OTUB2: variants seen among roughly 807,000 people sequenced by gnomAD.
OTUB2 encodes the protein OTU deubiquitinase, ubiquitin aldehyde binding 2.
A neutral mutation model predicts 25.1 loss-of-function variants in OTUB2; 21 were observed. The observed-to-expected ratio is 0.84, with a 90% CI of 0.59 to 1.21. The LOEUF is 1.21. OTUB2 is among the 50% of genes most tolerant of loss of function. The pLI, the probability that OTUB2 is intolerant of heterozygous loss-of-function variation, is 0.00. For missense variants in OTUB2, 283 were observed against 298.0 expected (o/e 0.95, Z 0.37); for synonymous variants, 122 against 122.8 (o/e 0.99, Z 0.04).
At chr14:94,040,350 T>C (rs1885137646) in intron 3 of OTUB2, among the ~76,000 whole-genome samples, 1 of 152,168 alleles carries the variant, frequency 6.6e-6, no homozygotes, top group African/African-American at 2.4e-5. Context: ...CACAGCACAG[T>C]GCAGGGATTA....
At chr14:94,033,651 A>G (rs1226494266) in intron 1 of OTUB2, among the ~76,000 whole-genome samples, 1 of 152,262 alleles carries the variant, frequency 6.6e-6, no homozygotes, top group Non-Finnish European at 1.5e-5. Flanking sequence ...GCTTTTATAC[A>G]GTATAAACAA....
chr14:94,027,867 GC>G (rs1884892711), intron 1 of OTUB2, among the ~76,000 whole-genome samples: 1 of 152,224 alleles, frequency 6.6e-6, no homozygotes, highest in African/African-American at 2.4e-5. Context: ...TCCACTTGGT[GC>G]CCAAGGGTTT....
Position 94,026,490 on chromosome 14 carries a change from G to A in OTUB2, c.-48G>A, listed in dbSNP as rs1398290505. 1.5e-6 allele frequency: 2 copies of A among 1,323,266 alleles called. No individual in the cohort carries two copies. The highest frequency in any genetic ancestry group is 1.5e-5 in the African/African-American group (1 of 65,288). The allele number at this position is 1,323,266 out of a possible 1,614,324, so 82.0% of individuals were successfully genotyped here. A position where few individuals can be genotyped will look rare whatever the true frequency, so the allele number is the denominator to read the frequency against. On this transcript the variant is annotated 5_prime_UTR_variant, in exon 1 of 6. Coordinates refer to ENST00000203664, the MANE Select transcript of OTUB2 (RefSeq NM_023112.4). ...GCGCCTCCCGCGGCATTCCCGCACC[G>A]GATCGCTCCTCGCTGGGGCGGGACC...
chr14:94,044,393 A>G (rs1885223436), intron 4 of OTUB2, among the ~76,000 whole-genome samples, 193 bp from the exon 5 acceptor site: 1 of 152,226 alleles, frequency 6.6e-6, no homozygotes, highest in South Asian at 2.1e-4. Flanking sequence ...ACTAGTGTAC[A>G]AACTGCAAAG....
At chr14:94,037,210 G>A (rs1193706330) in intron 1 of OTUB2, among the ~76,000 whole-genome samples, 170 bp from the exon 2 acceptor site, 1 of 152,132 alleles carries the variant, frequency 6.6e-6, no homozygotes, top group African/African-American at 2.4e-5. Context: ...CTGGAAATGC[G>A]GTGATCCCAA....
intron 1 of OTUB2, among the ~76,000 whole-genome samples, chr14:94,028,967 T>C (rs952810530): frequency 1.3e-5 from 2 of 152,164 alleles, no homozygotes; most frequent in Admixed American, 6.5e-5. Context: ...CCTTGAAGCA[T>C]GGTCAAGAAT....
intron 1 of OTUB2, among the ~76,000 whole-genome samples, chr14:94,036,197 G>A (rs1222908726): frequency 6.6e-6 from 1 of 152,154 alleles, no homozygotes; most frequent in Non-Finnish European, 1.5e-5. Context: ...TGATGAGGCT[G>A]AGAGGCTACC....
Position 94,046,265 on chromosome 14 carries a change from G to C in OTUB2, c.*343G>C. On this transcript the variant is annotated 3_prime_UTR_variant, in exon 6 of 6. Transcript: ENST00000203664. Reference sequence around the variant, plus strand: ...GCTGACATTCCATTGTAGAAAAATGGGGCCTCTGGTGTCTCTTTACCAGGG... The same window carrying C: ...GCTGACATTCCATTGTAGAAAAATGCGGCCTCTGGTGTCTCTTTACCAGGG... 2.6e-6 allele frequency: 1 copy of C among 382,640 alleles called. No homozygotes were observed. The highest frequency in any genetic ancestry group is 4.8e-6 in the Non-Finnish European group (1 of 206,616). 23.7% of individuals were successfully genotyped at this position (382,640 alleles called of 1,614,324 possible).
Position 94,035,527 on chromosome 14 carries a change from G to A in OTUB2, c.4-1853G>A, listed in dbSNP as rs909024313. On this transcript the variant is annotated intron_variant, in intron 1 of 5. Coordinates refer to ENST00000203664, the MANE Select transcript of OTUB2 (RefSeq NM_023112.4). ...GCTGGTCTTGAACTCCCAACCTCGT[G>A]ATCCACCTGCCTTGGCCTCCCAAAG... 1.4e-4 allele frequency among the ~76,000 whole-genome samples: 21 copies of A among 151,974 alleles called. 1 individual carries two copies. Among genetic ancestry groups the A allele is most frequent in the Admixed American group, 9.8e-4 (15 of 15,268 alleles).
rs184362372 is a variant in OTUB2, at chr14:94,041,882, G to A, written c.219-2089G>A. 2.1e-3 allele frequency among the ~76,000 whole-genome samples: 326 copies of A among 152,268 alleles called. 1 individual carries two copies. Among genetic ancestry groups the A allele is most frequent in the African/African-American group, 7.2e-3 (300 of 41,540 alleles). ...TTTCCCCAGTTGAACAGTGGCCATA[G>A]CCCTGTCACGGACATTAAGTGATTG... On this transcript the variant is annotated intron_variant, in intron 3 of 5. Transcript: ENST00000203664.
rs1363784509 is a variant in OTUB2, at chr14:94,048,695, C to G, written c.*2773C>G. 1 of 152,200 alleles carries G rather than the reference C, an allele frequency of 6.6e-6. No homozygotes were observed. Among genetic ancestry groups the G allele is most frequent in the East Asian group, 1.9e-4 (1 of 5,188 alleles). The allele number at this position is 152,200 out of a possible 1,614,324, so 9.4% of individuals were successfully genotyped here. A position where few individuals can be genotyped will look rare whatever the true frequency, so the allele number is the denominator to read the frequency against. ...GCATAGGGCACTGCAGATGGGGAAG[C>G]ATGTCACCTTGGCAGTGACTCGGTG... On this transcript the variant is annotated 3_prime_UTR_variant, in exon 6 of 6. Transcript: ENST00000203664.
chr14:94,031,966 G>A (rs1214023825), intron 1 of OTUB2, among the ~76,000 whole-genome samples: 1 of 152,224 alleles, frequency 6.6e-6, no homozygotes, highest in Non-Finnish European at 1.5e-5. Context: ...AATCACGAAT[G>A]AGAGTCAGCC....
chr14:94,037,593 G>T, intron 2 of OTUB2, 118 bp downstream of exon 2: 1 of 520,994 alleles, frequency 1.9e-6, no homozygotes, highest in Non-Finnish European at 3.4e-6. Context: ...CAAATGAAAG[G>T]ATTCCTAGGA....
chr14:94,044,326 CA>C (rs879256348), intron 4 of OTUB2, among the ~76,000 whole-genome samples: 8 of 152,188 alleles, frequency 5.3e-5, no homozygotes, highest in Non-Finnish European at 1.2e-4. Flanking sequence ...CGTGAGAATC[CA>C]AACCCAGGTA....
Position 94,046,245 on chromosome 14 carries a change from C to T in OTUB2, c.*323C>T. 2.3e-6 allele frequency: 1 copy of T among 431,572 alleles called. No individual in the cohort carries two copies. Among genetic ancestry groups the T allele is most frequent in the Non-Finnish European group, 4.2e-6 (1 of 236,466 alleles). The allele number at this position is 431,572 out of a possible 1,614,324, so 26.7% of individuals were successfully genotyped here. A position where few individuals can be genotyped will look rare whatever the true frequency, so the allele number is the denominator to read the frequency against. On this transcript the variant is annotated 3_prime_UTR_variant, in exon 6 of 6. Coordinates refer to ENST00000203664, the MANE Select transcript of OTUB2 (RefSeq NM_023112.4). ...TGGAGGAGGTCCCTGCCTATGCTGA[C>T]ATTCCATTGTAGAAAAATGGGGCCT...
intron 1 of OTUB2, among the ~76,000 whole-genome samples, chr14:94,027,760 C>G (rs1394814405): frequency 1.3e-5 from 2 of 152,234 alleles, no homozygotes; most frequent in Non-Finnish European, 2.9e-5. Context: ...CATAGGCAGC[C>G]AGGGCACTCG....
intron 3 of OTUB2, 71 bp downstream of exon 3, chr14:94,039,152 GGTT>G: frequency 1.6e-6 from 2 of 1,239,692 alleles, no homozygotes; most frequent in Admixed American, 2.0e-5. Flanking sequence ...GTCTCTCGGA[GGTT>G]TTCGTTACAC....
At chr14:94,033,531 C>T (rs753594762) in intron 1 of OTUB2, among the ~76,000 whole-genome samples, 6 of 152,184 alleles carry the variant, frequency 3.9e-5, no homozygotes, top group Non-Finnish European at 5.9e-5. Flanking sequence ...GTTTTGGTTT[C>T]GGGCAGTCCA....
In OTUB2 at chr14:94,040,783, T is replaced by C. The variant is rs78042578; in HGVS notation, c.218+1702T>C. 1.9e-4 allele frequency among the ~76,000 whole-genome samples: 29 copies of C among 152,258 alleles called. No individual in the cohort carries two copies. The East Asian group carries it at 5.2e-3, about 27-fold the overall frequency. ...TGGTAGAAGATGCACAGTACATGAGTATCACGTTTGAGGTGTCGGATGGTG... is the reference window on the plus strand; with the variant it reads ...TGGTAGAAGATGCACAGTACATGAGCATCACGTTTGAGGTGTCGGATGGTG... On this transcript the variant is annotated intron_variant, in intron 3 of 5. Coordinates refer to ENST00000203664, the MANE Select transcript of OTUB2 (RefSeq NM_023112.4).
Sources: allele counts gnomAD v4.1 joint callset (sites outside exome capture counted in the v4.1 genomes callset), GRCh38; gene constraint gnomAD v4.1.1; transcripts MANE v1.5; gene names NCBI Gene and HGNC (gene_info 2026-07-23, HGNC 2026-07-21).